VAV2: variants seen among roughly 807,000 people sequenced by gnomAD.
VAV2 encodes the protein vav guanine nucleotide exchange factor 2.
A neutral mutation model predicts 132.5 loss-of-function variants in VAV2; 67 were observed. The observed-to-expected ratio is 0.51, with a 90% CI of 0.42 to 0.62. The LOEUF (loss-of-function observed/expected upper bound fraction) is 0.62. VAV2 is among the 20% of genes least tolerant of loss of function. The pLI is 0.00. For missense variants in VAV2, 938 were observed against 1,153.6 expected (o/e 0.81, Z 2.71); for synonymous variants, 492 against 443.5 (o/e 1.11, Z -1.37).
chr9:133,846,939 G>C (rs1304543415), intron 3 of VAV2, among the ~76,000 whole-genome samples: 1 of 152,190 alleles, frequency 6.6e-6, no homozygotes, highest in African/African-American at 2.4e-5. Flanking sequence ...CAGTAACCCC[G>C]AGGGGATGGG....
At chr9:133,812,557 A>G (rs950721468) in intron 4 of VAV2, among the ~76,000 whole-genome samples, 5 of 152,054 alleles carry the variant, frequency 3.3e-5, no homozygotes. Context: ...CTTCACCAGA[A>G]TCTTCCCACC....
At chr9:133,987,245 CA>C (rs1441146128) in intron 1 of VAV2, among the ~76,000 whole-genome samples, 2 of 151,964 alleles carry the variant, frequency 1.3e-5, no homozygotes, top group Non-Finnish European at 2.9e-5. Flanking sequence ...GAAGGAGCAG[CA>C]AGGGTATCGT....
chr9:133,873,374 G>A (rs533697316), intron 2 of VAV2, among the ~76,000 whole-genome samples: 2 of 152,268 alleles, frequency 1.3e-5, no homozygotes, highest in African/African-American at 4.8e-5. Context: ...AAGACATACA[G>A]ATGGCAAAGG....
At position 133,988,708 on chromosome 9, in the gene VAV2, G is replaced by C. The variant is rs143881029; in HGVS notation, c.204+3367C>G. 8.8e-3 allele frequency among the ~76,000 whole-genome samples: 1,343 copies of C among 152,312 alleles called. 17 individuals carry two copies. The highest frequency in any genetic ancestry group is 0.03 in the African/African-American group (1,259 of 41,564). ...GGAGGCTGAGGCGAGCAGATCATGA[G>C]GTCAGGAGTTCGAGACCACCCTGGC... On this transcript the variant is annotated intron_variant, in intron 1 of 29. Coordinates refer to ENST00000371850, the MANE Select transcript of VAV2 (RefSeq NM_001134398.2).
intron 2 of VAV2, among the ~76,000 whole-genome samples, chr9:133,872,973 T>C (rs916395737): frequency 6.6e-6 from 1 of 151,638 alleles, no homozygotes; most frequent in Non-Finnish European, 1.5e-5. Flanking sequence ...ATTAGCCAGG[T>C]GTGGTGGTGT....
chr9:133,890,862 C>A (rs1408017575), intron 2 of VAV2, among the ~76,000 whole-genome samples: 1 of 152,124 alleles, frequency 6.6e-6, no homozygotes, highest in African/African-American at 2.4e-5. Context: ...GGGACTATGG[C>A]ACTGCCTGGG....
intron 2 of VAV2, among the ~76,000 whole-genome samples, chr9:133,915,943 T>C (rs1840071340): frequency 6.8e-6 from 1 of 147,810 alleles, no homozygotes; most frequent in Non-Finnish European, 1.5e-5. Flanking sequence ...ACGATGTACA[T>C]GTACACACGA....
intron 2 of VAV2, among the ~76,000 whole-genome samples, chr9:133,911,087 C>A (rs1302967170): frequency 1.3e-5 from 2 of 152,136 alleles, no homozygotes; most frequent in Admixed American, 6.5e-5. Flanking sequence ...CCGGGCACGC[C>A]CCTTCTTGGG....
intron 2 of VAV2, among the ~76,000 whole-genome samples, chr9:133,882,253 G>A (rs1478174919): frequency 6.6e-6 from 1 of 152,252 alleles, no homozygotes; most frequent in East Asian, 1.9e-4. Flanking sequence ...CTGCAGTGAA[G>A]CAGGTGAAGC....
At position 133,804,728 on chromosome 9, in the gene VAV2, G is replaced by A. The variant is rs1835067668; in HGVS notation, c.836+1353C>T. On this transcript the variant is annotated intron_variant, in intron 9 of 29. Coordinates refer to ENST00000371850, the MANE Select transcript of VAV2 (RefSeq NM_001134398.2). This position sits in a 1 kb window ranked among gnomAD's most constrained non-coding sequence, Gnocchi z 4.5. ...ACTGGGGCGACAGCCAGTGTGACCT[G>A]CCAGCCGGGCACTATCAGCTCACCC... 6.6e-6 allele frequency among the ~76,000 whole-genome samples: 1 copy of A among 152,212 alleles called. No homozygotes were observed. The highest frequency in any genetic ancestry group is 2.4e-5 in the African/African-American group (1 of 41,454).
intron 2 of VAV2, among the ~76,000 whole-genome samples, chr9:133,865,926 G>T (rs960016945): frequency 6.6e-6 from 1 of 152,230 alleles, no homozygotes; most frequent in Admixed American, 6.5e-5. Flanking sequence ...CTCCATGCCT[G>T]GTGCCAAAGC....
intron 1 of VAV2, among the ~76,000 whole-genome samples, chr9:133,971,418 T>C (rs1040039381): frequency 1.3e-5 from 2 of 152,114 alleles, no homozygotes; most frequent in African/African-American, 4.8e-5. Context: ...AATGACTCTC[T>C]AGCCTAGAAA....
chr9:133,855,746 T>C (rs921754597), intron 3 of VAV2, among the ~76,000 whole-genome samples: 1 of 152,200 alleles, frequency 6.6e-6, no homozygotes, highest in Non-Finnish European at 1.5e-5. Context: ...TTAGATTCAA[T>C]ACGGGTATGT....
chr9:133,876,446 G>C (rs905688866), intron 2 of VAV2, among the ~76,000 whole-genome samples: 1 of 152,250 alleles, frequency 6.6e-6, no homozygotes. Flanking sequence ...CTGGGACTGA[G>C]GGAGAGCAGC....
At chr9:133,942,536 G>A (rs1841203873) in intron 1 of VAV2, among the ~76,000 whole-genome samples, 1 of 152,280 alleles carries the variant, frequency 6.6e-6, no homozygotes, top group South Asian at 2.1e-4. Flanking sequence ...GGCTGCATGT[G>A]CTGCAGCTTC....
intron 1 of VAV2, among the ~76,000 whole-genome samples, chr9:133,953,627 C>A (rs559062878): frequency 8.5e-5 from 13 of 152,266 alleles, no homozygotes; most frequent in Admixed American, 5.2e-4. Flanking sequence ...TGTGGAACCT[C>A]AGACCCAGTT....
At chr9:133,931,262 A>T (rs1359297892) in intron 2 of VAV2, among the ~76,000 whole-genome samples, 2 of 152,162 alleles carry the variant, frequency 1.3e-5, no homozygotes, top group African/African-American at 4.8e-5. Flanking sequence ...CTCTGGGGAG[A>T]ACCTTCCAGG....
rs571746713 is a variant in VAV2, at chr9:133,840,178, C to A, written c.381-5838G>T. ...AGCAGTCATCCTGGCTCCCCAGGGGCGGCTGCATCCCTCTCCTCCCACCAG... is the reference window on the plus strand; with the variant it reads ...AGCAGTCATCCTGGCTCCCCAGGGGAGGCTGCATCCCTCTCCTCCCACCAG... On this transcript the variant is annotated intron_variant, in intron 3 of 29. Transcript: ENST00000371850. This position sits in a 1 kb window ranked among gnomAD's most constrained non-coding sequence, Gnocchi z 4.5. Among the ~76,000 whole-genome samples, 1 of 152,228 alleles carries A rather than the reference C, an allele frequency of 6.6e-6. No homozygotes were observed. The highest frequency in any genetic ancestry group is 6.5e-5 in the Admixed American group (1 of 15,290).
intron 2 of VAV2, among the ~76,000 whole-genome samples, chr9:133,915,438 G>A (rs557685663): frequency 6.6e-6 from 1 of 152,338 alleles, no homozygotes; most frequent in Admixed American, 6.5e-5. Flanking sequence ...CACAGGTGGT[G>A]CAATGAGGAA....
Sources: allele counts gnomAD v4.1 joint callset (sites outside exome capture counted in the v4.1 genomes callset), GRCh38; gene constraint gnomAD v4.1.1; non-coding constraint Gnocchi (gnomAD v3.1); transcripts MANE v1.5; gene names NCBI Gene and HGNC (gene_info 2026-07-23, HGNC 2026-07-21).